ATXN1: variants seen among roughly 807,000 people sequenced by gnomAD.
ATXN1 encodes ataxin 1, also known as ataxin-1.
A neutral mutation model predicts 56.4 loss-of-function variants in ATXN1; 8 were observed. The observed-to-expected ratio is 0.14, with a 90% CI of 0.08 to 0.26. The LOEUF (loss-of-function observed/expected upper bound fraction) is 0.26. ATXN1 is among the 10% of genes least tolerant of loss of function. ATXN1 has a pLI of 1.00. For missense variants in ATXN1, 987 were observed against 1,106.5 expected, an observed-to-expected ratio of 0.89 and a Z score of 1.53; for synonymous variants, 514 against 494.6, an observed-to-expected ratio of 1.04 and a Z score of -0.52.
chr6:16,686,315 C>A (rs1220458049), intron 2 of ATXN1, among the ~76,000 whole-genome samples: 1 of 151,998 alleles, frequency 6.6e-6, no homozygotes, highest in Non-Finnish European at 1.5e-5. Context: ...CATACACTTC[C>A]GAAGTAGTAT....
At chr6:16,533,168 CCACTGAACTGTA>C (rs1329909189) in intron 4 of ATXN1, among the ~76,000 whole-genome samples, 1 of 152,036 alleles carries the variant, frequency 6.6e-6, no homozygotes, top group South Asian at 2.1e-4. Flanking sequence ...GTACTTAATG[CCACTGAACTGTA>C]CACTTAAAAA....
At chr6:16,653,825 T>G (rs1179185660) in intron 3 of ATXN1, among the ~76,000 whole-genome samples, 1 of 152,220 alleles carries the variant, frequency 6.6e-6, no homozygotes, top group Non-Finnish European at 1.5e-5. Context: ...CCCTCATGGC[T>G]TGATGTTGCT....
intron 4 of ATXN1, among the ~76,000 whole-genome samples, chr6:16,552,406 T>G (rs1421944355): frequency 6.6e-6 from 1 of 152,234 alleles, no homozygotes; most frequent in African/African-American, 2.4e-5. Flanking sequence ...TATTAAAATG[T>G]CCTTCTGCTG....
intron 3 of ATXN1, among the ~76,000 whole-genome samples, chr6:16,598,629 T>C (rs1762860131): frequency 6.6e-6 from 1 of 152,162 alleles, no homozygotes; most frequent in East Asian, 1.9e-4. Flanking sequence ...TTCCCCTCTC[T>C]TTCTACACAG....
At chr6:16,350,091 G>A (rs1010423296) in intron 6 of ATXN1, among the ~76,000 whole-genome samples, 21 of 152,124 alleles carry the variant, frequency 1.4e-4, no homozygotes, top group African/African-American at 5.1e-4. Flanking sequence ...GCTGCTGTAG[G>A]CACCAATGAC....
intron 3 of ATXN1, among the ~76,000 whole-genome samples, chr6:16,591,830 T>C (rs915997481): frequency 1.3e-5 from 2 of 149,516 alleles, no homozygotes; most frequent in Non-Finnish European, 3.0e-5. Flanking sequence ...AGGCCACTAA[T>C]TGTGATTTCA....
intron 2 of ATXN1, among the ~76,000 whole-genome samples, chr6:16,685,186 G>C (rs1191756215): frequency 2.0e-5 from 3 of 152,166 alleles, no homozygotes; most frequent in Non-Finnish European, 4.4e-5. Context: ...TGCCACATCA[G>C]TATCCCACTT....
chr6:16,579,580 T>C (rs1473192416), intron 4 of ATXN1, among the ~76,000 whole-genome samples: 1 of 148,894 alleles, frequency 6.7e-6, no homozygotes, highest in East Asian at 2.0e-4. Context: ...GTATCACATC[T>C]CCGTCAGTCA....
intron 3 of ATXN1, among the ~76,000 whole-genome samples, chr6:16,656,981 CTT>C (rs869034865): frequency 3.0e-3 from 360 of 120,362 alleles, no homozygotes; most frequent in African/African-American, 8.0e-3. Context: ...GTATTATAAT[CTT>C]TTTTTTTTTT....
At position 16,548,435 on chromosome 6, in the gene ATXN1, A is replaced by G. The variant is rs138787562; in HGVS notation, c.-360-25747T>C. Among the ~76,000 whole-genome samples the G allele has an allele frequency of 4.8e-3, 736 of 152,354 alleles. 31 individuals carry two copies. In the East Asian group the frequency reaches 0.11, roughly 23 times the overall value. ...ATTTTTGAAATTTCTTTCTTCAATA[A>G]TAAATTAAACTTAGCTTACTGTAAC... On this transcript the variant is annotated intron_variant, in intron 4 of 7. Transcript: ENST00000436367.
At chr6:16,634,521 AATTTTAG>A (rs1763559831) in intron 3 of ATXN1, among the ~76,000 whole-genome samples, 1 of 152,170 alleles carries the variant, frequency 6.6e-6, no homozygotes, top group East Asian at 1.9e-4. Flanking sequence ...ATCACAATCT[AATTTTAG>A]ATTTTCTTCT....
chr6:16,738,705 A>C (rs549470188), intron 2 of ATXN1: 1 of 152,230 alleles, frequency 6.6e-6, no homozygotes, highest in South Asian at 2.1e-4. Context: ...ATGTTATTTC[A>C]TTTAGAAATG....
At chr6:16,330,334 C>G (rs970803948) in intron 6 of ATXN1, among the ~76,000 whole-genome samples, 1 of 152,102 alleles carries the variant, frequency 6.6e-6, no homozygotes, top group East Asian at 1.9e-4. Context: ...CTACTCTGCC[C>G]CCTACTTTGT....
At chr6:16,364,644 C>T (rs1761878732) in intron 6 of ATXN1, among the ~76,000 whole-genome samples, 1 of 152,162 alleles carries the variant, frequency 6.6e-6, no homozygotes, top group Non-Finnish European at 1.5e-5. Flanking sequence ...GGTATGGTTC[C>T]CCTACTGCTC....
At chr6:16,580,701 C>T (rs554389229) in intron 4 of ATXN1, among the ~76,000 whole-genome samples, 4 of 152,040 alleles carry the variant, frequency 2.6e-5, no homozygotes, top group African/African-American at 9.7e-5. Flanking sequence ...CATAAAGAAG[C>T]CTGGTAAGTT....
rs1762185819 is a variant in ATXN1, at chr6:16,378,388, CTT to C, written c.-160-49920_-160-49919del. ...TTCTTTCAGATAGGCGTTAGGCCCA[CTT>C]TTTAGATCAGTAAACTCAGGCTCAT... is the stretch of plus-strand genomic sequence containing the variant. On this transcript the variant is annotated intron_variant, in intron 6 of 7. Transcript: ENST00000436367. Among the ~76,000 whole-genome samples the C allele has an allele frequency of 2.0e-5, 3 of 152,124 alleles. No homozygotes were observed. In the South Asian group the frequency reaches 6.2e-4, roughly 31 times the overall value.
intron 6 of ATXN1, among the ~76,000 whole-genome samples, chr6:16,468,681 A>G (rs1760156968): frequency 6.6e-6 from 1 of 152,190 alleles, no homozygotes; most frequent in Admixed American, 6.5e-5. Flanking sequence ...AAATTAGCCA[A>G]AAGAGGCAAA....
intron 2 of ATXN1, among the ~76,000 whole-genome samples, chr6:16,706,776 C>T (rs1201321465): frequency 5.9e-5 from 9 of 151,326 alleles, no homozygotes; most frequent in Non-Finnish European, 1.2e-4. Flanking sequence ...GGGTTAAGTG[C>T]TTTATTCAGG....
At chr6:16,602,580 T>C (rs554874271) in intron 3 of ATXN1, among the ~76,000 whole-genome samples, 1 of 152,160 alleles carries the variant, frequency 6.6e-6, no homozygotes, top group African/African-American at 2.4e-5. Context: ...GCCTCCCAAG[T>C]AGCTGGGACT....
Sources: allele counts gnomAD v4.1 joint callset (sites outside exome capture counted in the v4.1 genomes callset), GRCh38; gene constraint gnomAD v4.1.1; transcripts MANE v1.5; gene names NCBI Gene and HGNC (gene_info 2026-07-23, HGNC 2026-07-21).